TFCP2: variants seen among roughly 807,000 people sequenced by gnomAD.
TFCP2 encodes transcription factor CP2.
Under a neutral mutation model 73.4 loss-of-function variants are expected in TFCP2, and 33 were observed. That is an observed-to-expected ratio of 0.45 (90% confidence interval 0.34 to 0.60). TFCP2 has a LOEUF of 0.60. TFCP2 is among the 20% of genes least tolerant of loss of function. TFCP2 has a pLI of 0.01. For synonymous variants in TFCP2, 193 were observed against 211.6 expected (o/e 0.91, Z 0.76); for missense variants, 352 against 604.0 (o/e 0.58, Z 4.37).
chr12:51,098,663 A>C (rs1258194044), intron 13 of TFCP2, 113 bp downstream of exon 13: 2 of 1,270,798 alleles, frequency 1.6e-6, no homozygotes, highest in South Asian at 3.0e-5. Context: ...GCAAAAAAGT[A>C]TGAAACCCTC....
At chr12:51,105,584 A>T (rs925513296) in intron 8 of TFCP2, among the ~76,000 whole-genome samples, 1 of 151,680 alleles carries the variant, frequency 6.6e-6, no homozygotes, top group Non-Finnish European at 1.5e-5. Context: ...GGATGTTAAG[A>T]TTTTTTTTTC....
chr12:51,159,184 A>AC, intron 1 of TFCP2, among the ~76,000 whole-genome samples: 1 of 147,398 alleles, frequency 6.8e-6, no homozygotes, highest in South Asian at 2.2e-4. Flanking sequence ...GTCTCAAAAA[A>AC]AAAAGAAAAA....
intron 1 of TFCP2, chr12:51,162,940 T>A (rs1318429132): frequency 6.6e-6 from 1 of 152,192 alleles, no homozygotes; most frequent in Non-Finnish European, 1.5e-5. Flanking sequence ...GTTGGAATGA[T>A]TCAGAGAAGA....
intron 1 of TFCP2, among the ~76,000 whole-genome samples, chr12:51,135,224 C>T (rs191470454): frequency 2.6e-5 from 4 of 151,678 alleles, no homozygotes; most frequent in African/African-American, 4.8e-5. Flanking sequence ...GCCAGGAGTT[C>T]GAGACCAGCC....
chr12:51,136,782 A>G (rs1368285001), intron 1 of TFCP2, among the ~76,000 whole-genome samples: 1 of 152,178 alleles, frequency 6.6e-6, no homozygotes, highest in Non-Finnish European at 1.5e-5. Flanking sequence ...CTAAAAGTAT[A>G]AAAAATAATT....
intron 1 of TFCP2, among the ~76,000 whole-genome samples, chr12:51,143,120 G>A (rs181866051): frequency 5.9e-5 from 9 of 151,964 alleles, no homozygotes; most frequent in Admixed American, 1.3e-4. Context: ...ACTTTCAGAA[G>A]ATCTCATTAA....
chr12:51,120,453 G>C (rs1379889788), intron 1 of TFCP2, among the ~76,000 whole-genome samples: 1 of 152,118 alleles, frequency 6.6e-6, no homozygotes, highest in Non-Finnish European at 1.5e-5. Context: ...TTTCCTGGTG[G>C]GGCAGGGGAT....
At chr12:51,147,334 C>CAAAA (rs761491614) in intron 1 of TFCP2, among the ~76,000 whole-genome samples, 32 of 151,548 alleles carry the variant, frequency 2.1e-4, no homozygotes, top group Non-Finnish European at 3.1e-4. Context: ...GACTTCATCT[C>CAAAA]AAAAAAGAAA....
Position 51,137,157 on chromosome 12 carries a change from A to T in TFCP2, c.123-18385T>A, listed in dbSNP as rs148684863. On this transcript the variant is annotated intron_variant, in intron 1 of 14. Transcript: ENST00000257915. ...CAGCACGATTATGAGATCAGTTTAG[A>T]TCACTTGCGAGATACCAGATGTACA... 7.1e-4 allele frequency among the ~76,000 whole-genome samples: 108 copies of T among 152,266 alleles called. 2 individuals are homozygous for T. In the East Asian group the frequency reaches 0.014, roughly 20 times the overall value.
chr12:51,160,537 T>C (rs188380336), intron 1 of TFCP2, among the ~76,000 whole-genome samples: 12 of 152,104 alleles, frequency 7.9e-5, no homozygotes, highest in African/African-American at 2.9e-4. Context: ...GTTCTTTCTG[T>C]GTAGAGAACA....
At chr12:51,118,579 A>T (rs745886966) in intron 2 of TFCP2, 42 bp downstream of exon 2, 1 of 1,594,400 alleles carries the variant, frequency 6.3e-7, no homozygotes, top group Admixed American at 1.8e-5. Flanking sequence ...TCATAAATAC[A>T]GTAGGTCTGC....
chr12:51,151,511 A>ACTGCAAGCTCTGCCTCC (rs61232601), intron 1 of TFCP2, among the ~76,000 whole-genome samples: 179 of 152,182 alleles, frequency 1.2e-3, no homozygotes, highest in Non-Finnish European at 2.0e-3. Flanking sequence ...ATCTCGGCTC[A>ACTGCAAGCTCTGCCTCC]CTGCAAGCTC....
intron 4 of TFCP2, among the ~76,000 whole-genome samples, chr12:51,114,664 T>C (rs1014376417): frequency 1.4e-4 from 21 of 151,504 alleles, no homozygotes; most frequent in African/African-American, 4.6e-4. Context: ...AAATGGCCAA[T>C]AAGCACATGC....
chr12:51,112,699 TCTA>T (rs773928678), intron 4 of TFCP2, among the ~76,000 whole-genome samples: 4 of 152,074 alleles, frequency 2.6e-5, no homozygotes, highest in Admixed American at 6.6e-5. Context: ...AAAACTTGTC[TCTA>T]CTACAAATAT....
chr12:51,099,535 G>T, intron 12 of TFCP2, 120 bp downstream of exon 12: 1 of 1,290,150 alleles, frequency 7.8e-7, no homozygotes, highest in Non-Finnish European at 1.1e-6. Context: ...AAATGCTAGT[G>T]ATTATTGTTA....
At chr12:51,141,553 TA>T (rs1453105871) in intron 1 of TFCP2, among the ~76,000 whole-genome samples, 3 of 152,020 alleles carry the variant, frequency 2.0e-5, no homozygotes, top group Non-Finnish European at 4.4e-5. Context: ...AGGTACTTAA[TA>T]AACACTATTT....
At chr12:51,104,309 AT>A in intron 8 of TFCP2, 106 bp from the exon 9 acceptor site, 1 of 941,362 alleles carries the variant, frequency 1.1e-6, no homozygotes, top group Non-Finnish European at 1.6e-6. Context: ...TTAAAAAAAA[AT>A]CTGTGCTCTC....
intron 1 of TFCP2, among the ~76,000 whole-genome samples, chr12:51,127,231 A>G (rs1425552396): frequency 6.6e-6 from 1 of 152,194 alleles, no homozygotes; most frequent in Non-Finnish European, 1.5e-5. Context: ...TAGCAACTAG[A>G]CTCTGAGAAC....
rs527711758 is a variant in TFCP2, at chr12:51,165,719, G to A, written c.122+6582C>T. On this transcript the variant is annotated intron_variant, in intron 1 of 14. Transcript: ENST00000257915. ...CAACGTAAATGTACTTAATTACACT[G>A]ATCTGGACATTTTTAAAGGGTTAAA... Among the ~76,000 whole-genome samples, 4 of 152,244 alleles carry A rather than the reference G, an allele frequency of 2.6e-5. No individual in the cohort carries two copies. The East Asian group carries it at 5.8e-4, about 22-fold the overall frequency.
Sources: allele counts gnomAD v4.1 joint callset (sites outside exome capture counted in the v4.1 genomes callset), GRCh38; gene constraint gnomAD v4.1.1; transcripts MANE v1.5; gene names NCBI Gene and HGNC (gene_info 2026-07-23, HGNC 2026-07-21).